Variants in PAN2 observed in about 807,000 individuals in gnomAD.
PAN2 encodes poly(A) specific ribonuclease subunit PAN2.
A neutral mutation model predicts 133.3 loss-of-function variants in PAN2; 68 were observed. The observed-to-expected ratio is 0.51, with a 90% CI of 0.42 to 0.62. The LOEUF (loss-of-function observed/expected upper bound fraction) is 0.62, where lower values mean the gene tolerates loss of function less well. Among genes scored for constraint, PAN2 ranks in the 20% least tolerant of loss-of-function variants. PAN2 has a pLI of 0.00. For synonymous variants in PAN2, 462 were observed against 544.6 expected, an observed-to-expected ratio of 0.85 and a Z score of 2.11; for missense variants, 1,042 against 1,500.5, an observed-to-expected ratio of 0.69 and a Z score of 5.05.
chr12:56,320,745 C>CT (rs764563787), intron 20 of PAN2, among the ~76,000 whole-genome samples: 4,465 of 115,130 alleles, frequency 0.039, 327 homozygotes, highest in African/African-American at 0.11. Context: ...CTTACAGCTG[C>CT]TTTTTTTTTT....
Position 56,319,491 on chromosome 12 carries a change from G to A in PAN2, c.3091-4C>T. 1 of 1,610,318 alleles carries A rather than the reference G, an allele frequency of 6.2e-7. No homozygotes were observed. The highest frequency in any genetic ancestry group is 8.5e-7 in the Non-Finnish European group (1 of 1,178,250). ...ATTGAGTCAAGTAATCCACCACCTA[G>A]GAATAGAGAAAAGGACAAGCCTTTT... On this transcript the variant is annotated splice_region_variant and splice_polypyrimidine_tract_variant and intron_variant, in intron 22 of 25. Transcript: ENST00000440411. The surrounding 1 kb of genome is among the most constrained non-coding windows in gnomAD (Gnocchi z 5.4).
At chr12:56,332,317 G>A (rs1875971976) in intron 2 of PAN2, among the ~76,000 whole-genome samples, 2 of 152,186 alleles carry the variant, frequency 1.3e-5, no homozygotes, top group African/African-American at 4.8e-5. Context: ...AAAGTGGGAT[G>A]CTGGCCAGGT....
At position 56,324,698 on chromosome 12, in the gene PAN2, G is replaced by A. The variant is rs1024198483; in HGVS notation, c.1611C>T (p.Phe537=). 5.0e-6 allele frequency: 8 copies of A among 1,613,094 alleles called. No individual in the cohort carries two copies. The African/African-American group carries it at 8.0e-5, about 16-fold the overall frequency. The change falls in exon 11 of 26, where the codon TTC becomes TTT. Residue 537 remains phenylalanine, a synonymous_variant. Coordinates refer to ENST00000440411, the MANE Select transcript of PAN2 (RefSeq NM_014871.6). ...YCNCMIQVLY[F]LEPVRCLIQN... Reference sequence around the variant, plus strand: ...GAATTAGACAGCGTACAGGCTCCAGGAAATAGAGCACCTGGAGGGAAAAGC... The same window carrying A: ...GAATTAGACAGCGTACAGGCTCCAGAAAATAGAGCACCTGGAGGGAAAAGC...
intron 10 of PAN2, 62 bp downstream of exon 10, chr12:56,324,947 G>T: frequency 6.3e-7 from 1 of 1,589,124 alleles, no homozygotes; most frequent in Non-Finnish European, 8.6e-7. Flanking sequence ...GCAGGGTCGA[G>T]AGCCATAGGG....
At chr12:56,329,177 C>T (rs1875457756) in intron 2 of PAN2, among the ~76,000 whole-genome samples, 1 of 152,150 alleles carries the variant, frequency 6.6e-6, no homozygotes, top group Non-Finnish European at 1.5e-5. Flanking sequence ...AAACTCATGA[C>T]ATCCTAAATT....
At chr12:56,323,660 G>T in intron 14 of PAN2, 62 bp from the exon 15 acceptor site, 1 of 1,518,220 alleles carries the variant, frequency 6.6e-7, no homozygotes, top group Non-Finnish European at 9.1e-7. Context: ...TCTGGACAGG[G>T]ACCTGGGTCT....
intron 24 of PAN2, chr12:56,318,683 C>T: frequency 4.1e-6 from 2 of 484,786 alleles, no homozygotes; most frequent in Non-Finnish European, 7.2e-6. Flanking sequence ...TTCTTTTCCC[C>T]CCATGCTTTT....
intron 24 of PAN2, 115 bp from the exon 25 acceptor site, chr12:56,318,549 T>C (rs1333940159): frequency 1.4e-6 from 1 of 705,136 alleles, no homozygotes. Flanking sequence ...TTAAGGAAAA[T>C]TGTCAGACAT....
intron 2 of PAN2, 170 bp downstream of exon 2, chr12:56,332,643 T>C (rs1876041033): frequency 1.6e-6 from 1 of 622,766 alleles, no homozygotes; most frequent in East Asian, 2.7e-5. Context: ...AGAAAGAATA[T>C]GTCATTTACT....
rs2135968940 is a variant in PAN2, at chr12:56,323,884, G to A, written c.2095C>T (p.Gln699Ter). ...AGGCAGATGCTTCGCTTCAGCACCT[G>A]AGCAAAGTCATAGTTCTTCCCAGTT... is the stretch of plus-strand genomic sequence containing the variant. ...DKTGKNYDFA[Q>*]VLKRSICLDQ... Residue 699 changes from glutamine to a stop codon, truncating the protein, a stop_gained, in exon 14 of 26, where the codon CAG (glutamine) becomes TAG (stop). Transcript: ENST00000440411. LOFTEE classifies it high-confidence loss of function. 2 of 1,614,076 alleles carry A rather than the reference G, an allele frequency of 1.2e-6. No homozygotes were observed. The highest frequency in any genetic ancestry group is 1.7e-6 in the Non-Finnish European group (2 of 1,179,876).
rs1484081888 is a variant in PAN2 at position 56,324,355 on chromosome 12, G to C, written c.1867C>G (p.Gln623Glu). 3 of 1,614,050 alleles carry C rather than the reference G, an allele frequency of 1.9e-6. No homozygotes were observed. Among genetic ancestry groups the C allele is most frequent in the South Asian group, 2.2e-5 (2 of 91,076 alleles). Residue 623 changes from glutamine to glutamate, a missense_variant, in exon 12 of 26, where the codon CAA (glutamine) becomes GAA (glutamate). Around this residue, in one of 3 missense-constraint regions of PAN2, gnomAD observed 908 missense variants for 1,223.5 expected, o/e 0.74. Coordinates refer to ENST00000440411, the MANE Select transcript of PAN2 (RefSeq NM_014871.6). ...AGCTCCTGCATATCTTGATGCAGTT[G>C]AGTGAGAATGAAGCGATTCCACCTC... ...IQRWNRFILTQLHQDMQELEI... is the reference protein window; with the variant it reads ...IQRWNRFILTELHQDMQELEI...
Position 56,317,567 on chromosome 12 carries a change from G to A in PAN2, c.*42C>T, listed in dbSNP as rs1874047404. ...GCCATCTCCCAGTTCTGGGGCTATA[G>A]AACAGTAAAGGGAGAGGGCCGTGGT... is the stretch of plus-strand genomic sequence containing the variant. On this transcript the variant is annotated 3_prime_UTR_variant, in exon 26 of 26. Coordinates refer to ENST00000440411, the MANE Select transcript of PAN2 (RefSeq NM_014871.6). 1 of 1,587,070 alleles carries A rather than the reference G, an allele frequency of 6.3e-7. No individual in the cohort carries two copies. Among genetic ancestry groups the A allele is most frequent in the Non-Finnish European group, 8.7e-7 (1 of 1,156,014 alleles).
Position 56,326,368 on chromosome 12 carries a change from T to C in PAN2, c.1304A>G (p.Lys435Arg), listed in dbSNP as rs1875128719. ...PVDAEILRTM[K>R]KVGFIGYAPN... is the part of the protein sequence containing the mutation. ...CGCATAGCCAATGAAGCCCACCTTC[T>C]TCATGGTGCGCAGAATCTCTGCATC... Residue 435 changes from lysine to arginine, a missense_variant, in exon 8 of 26, where the codon AAG (lysine) becomes AGG (arginine). By Grantham distance (26) the Lys-to-Arg change is conservative. This residue lies in a region of PAN2 where 908 missense variants were observed against 1,223.5 expected (regional missense o/e 0.74). Transcript: ENST00000440411. 8 of 1,604,064 alleles carry C rather than the reference T, an allele frequency of 5.0e-6. No individual in the cohort carries two copies. Among genetic ancestry groups the C allele is most frequent in the Non-Finnish European group, 6.8e-6 (8 of 1,173,616 alleles).
intron 2 of PAN2, among the ~76,000 whole-genome samples, chr12:56,332,405 A>G (rs1875986295): frequency 6.6e-6 from 1 of 152,078 alleles, no homozygotes; most frequent in Non-Finnish European, 1.5e-5. Context: ...AGTTTGAGAC[A>G]AGCCTGGGCA....
At chr12:56,328,888 A>G (rs1006659736) in intron 2 of PAN2, among the ~76,000 whole-genome samples, 3 of 152,220 alleles carry the variant, frequency 2.0e-5, no homozygotes, top group Non-Finnish European at 4.4e-5. Flanking sequence ...TGTCCTCACA[A>G]TGACCCTGCT....
chr12:56,322,203 T>C, intron 19 of PAN2, 35 bp from the exon 20 acceptor site: 1 of 1,352,352 alleles, frequency 7.4e-7, no homozygotes, highest in East Asian at 2.3e-5. Flanking sequence ...GGCTAATGTA[T>C]ATCACCCTTT....
rs764563787 is a variant in PAN2 at position 56,320,745 on chromosome 12, C to CTT, written c.2789-726_2789-725dup. 3.0e-3 allele frequency among the ~76,000 whole-genome samples: 341 copies of CTT among 115,158 alleles called. 4 individuals are homozygous for CTT. Among genetic ancestry groups the CTT allele is most frequent in the Non-Finnish European group, 4.7e-3 (270 of 57,334 alleles). 75.5% of individuals were successfully genotyped at this position (115,158 alleles called of 152,430 possible). A position where few individuals can be genotyped will look rare whatever the true frequency, so the allele number is the denominator to read the frequency against. ...ACTCCACTCTCAAGACTTACAGCTG[C>CTT]TTTTTTTTTTTTTTTTTTTTTTTAA... is the stretch of plus-strand genomic sequence containing the variant. On this transcript the variant is annotated intron_variant, in intron 20 of 25. Transcript: ENST00000440411.
In PAN2 at chr12:56,324,060, G is replaced by T. The variant is rs376831672; in HGVS notation, c.2054C>A (p.Ser685Tyr). 5.6e-5 allele frequency: 90 copies of T among 1,614,104 alleles called. No individual in the cohort carries two copies. Among genetic ancestry groups the T allele is most frequent in the Non-Finnish European group, 6.9e-5 (82 of 1,180,046 alleles). ...RASSTLLFTL[S>Y]YPDDKTGKNY... Reference sequence around the variant, plus strand: ...ACCACTTTTGCTACCATCAGGGTAGGAGAGTGTGAAAAGCAGAGTGGATGA... The same window carrying T: ...ACCACTTTTGCTACCATCAGGGTAGTAGAGTGTGAAAAGCAGAGTGGATGA... Residue 685 changes from serine to tyrosine, a missense_variant, in exon 13 of 26, where the codon TCC becomes TAC. Transcript: ENST00000440411.
rs11171803 is a variant in PAN2, at chr12:56,324,638, T to C, written c.1671A>G (p.Ala557=). 93,715 of 1,614,128 alleles carry C rather than the reference T, an allele frequency of 0.058. 3,136 individuals are homozygous for C. The highest frequency in any genetic ancestry group is 0.067 in the Non-Finnish European group (78,556 of 1,179,990). The change falls in exon 11 of 26, where the codon GCA becomes GCG. Residue 557 remains alanine (A), a synonymous_variant. Transcript: ENST00000440411. ...TGTGAAACAGGAAGCCCAGCTCACA[T>C]GCCAGACAGAACTCCTTCTGGCAAA... The part of the protein sequence containing the change: ...NHLCQKEFCL[A]CELGFLFHML...
Sources: gnomAD v4.1 joint callset for allele counts (sites outside exome capture counted in the v4.1 genomes callset) on GRCh38, gnomAD v4.1.1 for gene constraint, gnomAD v4.1.1 regional missense constraint, Gnocchi (gnomAD v3.1) non-coding constraint, MANE v1.5 for transcripts, NCBI Gene and HGNC (gene_info 2026-07-23, HGNC 2026-07-21) for gene names.